The following NRF1 variants were observed in gnomAD, a reference collection of about 807,000 sequenced individuals.
The protein encoded by NRF1 is nuclear respiratory factor 1, also known as alpha palindromic-binding protein.
NRF1 carries 5 observed loss-of-function variants against 58.5 expected under a neutral mutation model. The observed-to-expected ratio is 0.09, with a 90% CI of 0.04 to 0.18. The LOEUF is 0.18. NRF1 is among the 10% of genes least tolerant of loss of function. NRF1 has a pLI of 1.00. For synonymous variants in NRF1, 224 were observed against 246.7 expected, an observed-to-expected ratio of 0.91 and a Z score of 0.86; for missense variants, 288 against 657.7, an observed-to-expected ratio of 0.44 and a Z score of 6.15.
At chr7:129,625,623 C>T (rs1027888994) in intron 1 of NRF1, among the ~76,000 whole-genome samples, 1 of 151,606 alleles carries the variant, frequency 6.6e-6, no homozygotes, top group African/African-American at 2.4e-5. Context: ...GTGTTAGCCT[C>T]CTGAGTAGCT....
chr7:129,627,767 T>G (rs1376468035), intron 1 of NRF1, among the ~76,000 whole-genome samples: 3 of 152,184 alleles, frequency 2.0e-5, no homozygotes, highest in African/African-American at 7.2e-5. Flanking sequence ...AGAAAGCAAG[T>G]AAAGAAAAAC....
chr7:129,641,209 G>T (rs927529416), intron 1 of NRF1, among the ~76,000 whole-genome samples: 4 of 152,046 alleles, frequency 2.6e-5, no homozygotes, highest in Admixed American at 6.5e-5. Flanking sequence ...TACCTGTGAA[G>T]TTTTTGATGT....
chr7:129,745,506 A>ACCC (rs35406699), intron 10 of NRF1, among the ~76,000 whole-genome samples: 79 of 112,622 alleles, frequency 7.0e-4, no homozygotes, highest in Non-Finnish European at 1.0e-3. Context: ...ATCCCCCTCA[A>ACCC]CCCCCCCCCC....
chr7:129,661,801 T>G (rs972592706), intron 2 of NRF1, among the ~76,000 whole-genome samples: 5 of 150,920 alleles, frequency 3.3e-5, no homozygotes, highest in Non-Finnish European at 7.3e-5. Flanking sequence ...CCAAAGTCAC[T>G]TCCACATTTT....
chr7:129,644,819 A>G (rs1801368772), intron 1 of NRF1, among the ~76,000 whole-genome samples: 1 of 152,140 alleles, frequency 6.6e-6, no homozygotes, highest in Non-Finnish European at 1.5e-5. Context: ...TGCTTGTGGC[A>G]CCCTCTAGTG....
chr7:129,726,558 C>G (rs1233484860), intron 9 of NRF1, among the ~76,000 whole-genome samples: 1 of 152,114 alleles, frequency 6.6e-6, no homozygotes, highest in Non-Finnish European at 1.5e-5. Flanking sequence ...ATTATAGAGG[C>G]AAACTGTATT....
chr7:129,742,590 G>T (rs1803874706), intron 10 of NRF1, among the ~76,000 whole-genome samples: 1 of 152,210 alleles, frequency 6.6e-6, no homozygotes, highest in African/African-American at 2.4e-5. Context: ...ATGAGGTATG[G>T]CAGTAAAGGA....
At chr7:129,673,451 C>T (rs750598689) in intron 3 of NRF1, among the ~76,000 whole-genome samples, 5 of 152,188 alleles carry the variant, frequency 3.3e-5, no homozygotes, top group East Asian at 1.9e-4. Flanking sequence ...TTTTCGGGGT[C>T]GGGCGCGGTG....
Position 129,628,108 on chromosome 7 carries a change from A to G in NRF1, c.-7+16284A>G, listed in dbSNP as rs567801551. 2.9e-4 allele frequency among the ~76,000 whole-genome samples: 36 copies of G among 123,298 alleles called. No individual in the cohort carries two copies. The South Asian group carries it at 9.3e-3, about 32-fold the overall frequency. 80.9% of individuals were successfully genotyped at this position (123,298 alleles called of 152,430 possible). Reference sequence around the variant, plus strand: ...GCCCAGGCAGGAGTGCAGTGGCATGATCTTGGCTCACTGCAAGCTCTGCCT... The same window carrying G: ...GCCCAGGCAGGAGTGCAGTGGCATGGTCTTGGCTCACTGCAAGCTCTGCCT... On this transcript the variant is annotated intron_variant, in intron 1 of 10. Coordinates refer to ENST00000393232, the MANE Select transcript of NRF1 (RefSeq NM_005011.5).
intron 1 of NRF1, among the ~76,000 whole-genome samples, chr7:129,634,061 T>TATACACAC (rs764569771): frequency 2.4e-4 from 31 of 131,462 alleles, no homozygotes; most frequent in South Asian, 9.8e-4. Context: ...TATATATATA[T>TATACACAC]ACACACACAC....
chr7:129,680,355 A>G (rs1023730225), intron 4 of NRF1, among the ~76,000 whole-genome samples: 2 of 152,146 alleles, frequency 1.3e-5, no homozygotes, highest in African/African-American at 2.4e-5. Context: ...GAAAAAGCAA[A>G]ATGGTACAGC....
At chr7:129,614,075 T>C (rs554591687) in intron 1 of NRF1, among the ~76,000 whole-genome samples, 12 of 152,300 alleles carry the variant, frequency 7.9e-5, no homozygotes, top group Non-Finnish European at 1.5e-4. Flanking sequence ...CAAAGAAAAG[T>C]TCTTATCCCC....
chr7:129,668,757 T>A (rs1400456303), intron 2 of NRF1, among the ~76,000 whole-genome samples: 1 of 152,242 alleles, frequency 6.6e-6, no homozygotes, highest in South Asian at 2.1e-4. Context: ...TATGATTTAC[T>A]ACTTACTATA....
At chr7:129,729,565 G>A (rs564373859) in intron 10 of NRF1, among the ~76,000 whole-genome samples, 1 of 152,190 alleles carries the variant, frequency 6.6e-6, no homozygotes, top group African/African-American at 2.4e-5. Context: ...GAGTTGTGCC[G>A]TATCCCAGCA....
chr7:129,751,094 G>A (rs1804104860), intron 10 of NRF1, among the ~76,000 whole-genome samples: 1 of 152,242 alleles, frequency 6.6e-6, no homozygotes, highest in African/African-American at 2.4e-5. Context: ...AGCAGAGGAG[G>A]AGCATCGGAG....
At chr7:129,624,427 C>T (rs754863087) in intron 1 of NRF1, among the ~76,000 whole-genome samples, 4 of 152,116 alleles carry the variant, frequency 2.6e-5, no homozygotes, top group Admixed American at 6.5e-5. Context: ...CCTGGCGAAA[C>T]TCATTTGTAA....
At chr7:129,644,832 C>T (rs1157586658) in intron 1 of NRF1, among the ~76,000 whole-genome samples, 2 of 152,072 alleles carry the variant, frequency 1.3e-5, no homozygotes, top group Non-Finnish European at 2.9e-5. Flanking sequence ...CTCTAGTGTT[C>T]TAGTAATACA....
chr7:129,666,485 G>T (rs1333672272), intron 2 of NRF1, among the ~76,000 whole-genome samples: 1 of 152,148 alleles, frequency 6.6e-6, no homozygotes. Context: ...TAATGTGGCT[G>T]TTTTTAACTG....
chr7:129,661,870 T>G (rs1801787514), intron 2 of NRF1, among the ~76,000 whole-genome samples: 1 of 150,704 alleles, frequency 6.6e-6, no homozygotes, highest in Non-Finnish European at 1.5e-5. Flanking sequence ...TAGTCCATTT[T>G]CATGCTGCTG....
Sources: allele counts gnomAD v4.1 joint callset (sites outside exome capture counted in the v4.1 genomes callset), GRCh38; gene constraint gnomAD v4.1.1; transcripts MANE v1.5; gene names NCBI Gene and HGNC (gene_info 2026-07-23, HGNC 2026-07-21).